HIVEP3: variants seen among roughly 807,000 people sequenced by gnomAD.
The protein encoded by HIVEP3 is transcription factor HIVEP3.
In HIVEP3, 49 loss-of-function variants were observed where a neutral mutation model predicts 152.8. That is an observed-to-expected ratio of 0.32 (90% CI 0.26 to 0.41). The LOEUF is 0.41. Ranked by LOEUF, HIVEP3 falls within the 10% of genes least tolerant of loss-of-function variation. The probability of loss-of-function intolerance (pLI) is 1.00; values close to 1 mark genes in which losing one functional copy is unlikely to be tolerated. For missense variants in HIVEP3, 2,790 were observed against 3,103.3 expected (o/e 0.90, Z 2.40); for synonymous variants, 1,269 against 1,289.0 (o/e 0.98, Z 0.33).
intron 1 of HIVEP3, among the ~76,000 whole-genome samples, chr1:41,990,389 CAA>C (rs1645352834): frequency 6.6e-6 from 1 of 151,622 alleles, no homozygotes; most frequent in African/African-American, 2.4e-5. Flanking sequence ...CAACAAAGAT[CAA>C]AAGAGACAAA....
chr1:41,994,074 G>A (rs1232323569), intron 1 of HIVEP3, among the ~76,000 whole-genome samples: 7 of 151,236 alleles, frequency 4.6e-5, no homozygotes, highest in African/African-American at 1.2e-4. Context: ...TGGGTGCAGT[G>A]CACCAGCATG....
At chr1:41,756,791 TGA>T (rs1647328597) in intron 1 of HIVEP3, among the ~76,000 whole-genome samples, 1 of 152,220 alleles carries the variant, frequency 6.6e-6, no homozygotes, top group Non-Finnish European at 1.5e-5. Context: ...GCAAGCTCCC[TGA>T]GGGCAAGGAT....
chr1:41,722,546 C>T (rs1646693714), intron 1 of HIVEP3, among the ~76,000 whole-genome samples: 1 of 147,558 alleles, frequency 6.8e-6, no homozygotes, highest in Non-Finnish European at 1.5e-5. Flanking sequence ...CCCTCCCTCC[C>T]TCCTTCCCTC....
intron 3 of HIVEP3, among the ~76,000 whole-genome samples, chr1:41,605,122 A>G (rs1217602055): frequency 1.1e-4 from 15 of 135,098 alleles, no homozygotes; most frequent in East Asian, 4.9e-4. Context: ...AAAAAAAAAA[A>G]AGAGAAAGGG....
Position 41,735,987 on chromosome 1 carries a change from A to C in HIVEP3, c.-800-34992T>G, listed in dbSNP as rs958399493. Among the ~76,000 whole-genome samples the C allele has an allele frequency of 5.9e-5, 9 of 152,176 alleles. No individual in the cohort carries two copies. The South Asian group carries it at 1.4e-3, about 25-fold the overall frequency. On this transcript the variant is annotated intron_variant, in intron 1 of 8. Transcript: ENST00000372583. ...AAGAGTTAGCCCCACCATCAAAGTG[A>C]CAACCCATTAAAAAAATGATTTGTG... is the stretch of plus-strand genomic sequence containing the variant.
intron 5 of HIVEP3, among the ~76,000 whole-genome samples, chr1:41,527,198 T>TCCACAC (rs1642990137): frequency 1.6e-5 from 1 of 62,646 alleles, no homozygotes; most frequent in Non-Finnish European, 3.1e-5. Flanking sequence ...TCACTCCCAC[T>TCCACAC]CCCACACATG....
At chr1:41,624,092 G>A (rs35030716) in intron 3 of HIVEP3, among the ~76,000 whole-genome samples, 3 of 152,120 alleles carry the variant, frequency 2.0e-5, no homozygotes, top group African/African-American at 7.2e-5. Context: ...GCCTCCCTGG[G>A]TTGCGAAGAG....
chr1:41,873,262 G>A lies in HIVEP3; in HGVS notation c.-801+45151C>T, dbSNP rs1644113528. ...GCTCCTCTCTTCATCTGCCTTCAGA[G>A]GTAGTCCTGATTAACCTGTTGCCAG... On this transcript the variant is annotated intron_variant, in intron 1 of 8. Coordinates refer to ENST00000372583, the MANE Select transcript of HIVEP3 (RefSeq NM_024503.5). The surrounding 1 kb of genome is among the most constrained non-coding windows in gnomAD (Gnocchi z 4.2). 6.6e-6 allele frequency among the ~76,000 whole-genome samples: 1 copy of A among 152,216 alleles called. No individual in the cohort carries two copies.
intron 3 of HIVEP3, among the ~76,000 whole-genome samples, chr1:41,591,437 C>T (rs966346036): frequency 2.6e-5 from 4 of 152,148 alleles, no homozygotes; most frequent in Non-Finnish European, 4.4e-5. Flanking sequence ...GATAAGAACA[C>T]AGGCAGGCGA....
At chr1:41,571,855 C>T (rs1644255569) in intron 5 of HIVEP3, among the ~76,000 whole-genome samples, 1 of 152,192 alleles carries the variant, frequency 6.6e-6, no homozygotes, top group Non-Finnish European at 1.5e-5. Context: ...CCACAGACGG[C>T]TCTGGAGAAA....
intron 2 of HIVEP3, among the ~76,000 whole-genome samples, chr1:41,684,968 T>C (rs916387587): frequency 2.6e-5 from 4 of 152,214 alleles, no homozygotes; most frequent in African/African-American, 9.7e-5. Context: ...TACTGTTATA[T>C]GGTCAAGTGC....
At chr1:41,624,170 C>T (rs533696294) in intron 3 of HIVEP3, among the ~76,000 whole-genome samples, 8 of 152,302 alleles carry the variant, frequency 5.3e-5, no homozygotes, top group African/African-American at 1.7e-4. Context: ...CATCTCTCCT[C>T]CTTCCTCCTC....
intron 1 of HIVEP3, among the ~76,000 whole-genome samples, chr1:41,857,142 G>A (rs191606039): frequency 6.6e-6 from 1 of 152,080 alleles, no homozygotes; most frequent in Admixed American, 6.5e-5. Flanking sequence ...TCCCCTTCCT[G>A]ATCCAATTCC....
chr1:41,773,553 G>A (rs1055535273), intron 1 of HIVEP3, among the ~76,000 whole-genome samples: 2 of 152,182 alleles, frequency 1.3e-5, no homozygotes, highest in African/African-American at 4.8e-5. Context: ...AGGCCTCCAA[G>A]ATGCTGTTTT....
intron 1 of HIVEP3, among the ~76,000 whole-genome samples, chr1:41,973,566 G>A (rs1301181091): frequency 2.0e-5 from 3 of 152,238 alleles, no homozygotes; most frequent in African/African-American, 7.2e-5. Flanking sequence ...GGCAGAGACA[G>A]AGACAGAGAG....
intron 1 of HIVEP3, among the ~76,000 whole-genome samples, chr1:42,026,871 T>G (rs1164695753): frequency 6.6e-6 from 1 of 152,224 alleles, no homozygotes; most frequent in Non-Finnish European, 1.5e-5. Context: ...GGGTGGACTT[T>G]TCATCTTAAA....
chr1:41,854,745 A>G (rs1195442654), intron 1 of HIVEP3, among the ~76,000 whole-genome samples: 4 of 74,246 alleles, frequency 5.4e-5, no homozygotes, highest in Non-Finnish European at 1.0e-4. Context: ...TCATTGTTCA[A>G]TTCCCACCTA....
chr1:41,540,261 C>G (rs1290874848), intron 5 of HIVEP3, among the ~76,000 whole-genome samples: 2 of 152,238 alleles, frequency 1.3e-5, no homozygotes, highest in African/African-American at 4.8e-5. Flanking sequence ...TGCACAGAAA[C>G]ACACATATGC....
chr1:41,648,860 A>C (rs1337916405), intron 2 of HIVEP3, among the ~76,000 whole-genome samples: 1 of 152,192 alleles, frequency 6.6e-6, no homozygotes, highest in African/African-American at 2.4e-5. Context: ...CGTATGCTCC[A>C]CTTAGCCCTT....
Sources: allele counts gnomAD v4.1 joint callset (sites outside exome capture counted in the v4.1 genomes callset), GRCh38; gene constraint gnomAD v4.1.1; non-coding constraint Gnocchi (gnomAD v3.1); transcripts MANE v1.5; gene names NCBI Gene and HGNC (gene_info 2026-07-23, HGNC 2026-07-21).